The following PUM1 variants were observed in gnomAD, a reference collection of about 807,000 sequenced individuals.
The protein encoded by PUM1 is pumilio homolog 1.
In PUM1, 13 loss-of-function variants were observed where a neutral mutation model predicts 131.8. That is an observed-to-expected ratio of 0.10 (90% CI 0.06 to 0.16). The LOEUF is 0.16. PUM1 is among the 10% of genes least tolerant of loss of function. PUM1 has a pLI of 1.00. For missense variants in PUM1, 961 were observed against 1,512.4 expected (o/e 0.64, Z 6.05); for synonymous variants, 509 against 556.5 (o/e 0.91, Z 1.20).
chr1:30,935,370 GC>G (rs1288896593), intron 21 of PUM1, among the ~76,000 whole-genome samples: 4 of 152,166 alleles, frequency 2.6e-5, no homozygotes, highest in African/African-American at 9.7e-5. Context: ...AAGACACCCT[GC>G]CCATTCCTGG....
intron 2 of PUM1, among the ~76,000 whole-genome samples, chr1:31,048,816 C>A (rs956147065): frequency 5.9e-5 from 9 of 152,136 alleles, no homozygotes; most frequent in African/African-American, 1.9e-4. Flanking sequence ...GTGCATATTT[C>A]TAACTTTACT....
chr1:31,007,161 G>A, intron 3 of PUM1, 59 bp from the exon 4 acceptor site: 1 of 1,292,870 alleles, frequency 7.7e-7, no homozygotes, highest in Non-Finnish European at 1.1e-6. Context: ...AAGTACAGCA[G>A]TCAACACTTT....
chr1:30,950,280 T>A lies in PUM1; in HGVS notation c.2722-19A>T. ...TGCCAAACTAGACATAATGTGTGGG[T>A]AAACACCATTACTTAAGTAGAAGGA... On this transcript the variant is annotated intron_variant, in intron 16 of 21. Transcript: ENST00000426105. 6.2e-7 allele frequency: 1 copy of A among 1,606,380 alleles called. No homozygotes were observed. Among genetic ancestry groups the A allele is most frequent in the Middle Eastern group, 1.7e-4 (1 of 6,022 alleles).
intron 10 of PUM1, among the ~76,000 whole-genome samples, chr1:30,972,211 C>T (rs539323500): frequency 1.4e-4 from 20 of 142,182 alleles, no homozygotes; most frequent in East Asian, 4.3e-4. Flanking sequence ...GCAAACTTGG[C>T]GCCACTGCAC....
intron 3 of PUM1, among the ~76,000 whole-genome samples, chr1:31,014,600 C>T (rs972972387): frequency 6.6e-6 from 1 of 152,022 alleles, no homozygotes. Context: ...CCAGCCTGGA[C>T]AACATGGTGA....
chr1:31,027,539 C>T (rs1643272145), intron 3 of PUM1, among the ~76,000 whole-genome samples: 2 of 152,148 alleles, frequency 1.3e-5, no homozygotes, highest in African/African-American at 2.4e-5. Context: ...AAGGACATCT[C>T]CCAATCATCT....
chr1:30,977,088 C>T (rs1641164626), intron 9 of PUM1, among the ~76,000 whole-genome samples: 2 of 152,174 alleles, frequency 1.3e-5, no homozygotes, highest in Admixed American at 6.5e-5. Flanking sequence ...GGGGATGTGA[C>T]CCAAGTCTAA....
intron 3 of PUM1, among the ~76,000 whole-genome samples, chr1:31,015,364 C>T (rs1171246339): frequency 3.3e-5 from 5 of 151,092 alleles, no homozygotes; most frequent in South Asian, 2.1e-4. Flanking sequence ...TTTTTTGAGA[C>T]GGAGTCTCGC....
intron 3 of PUM1, among the ~76,000 whole-genome samples, chr1:31,025,018 G>A (rs1343843887): frequency 6.6e-6 from 1 of 152,190 alleles, no homozygotes; most frequent in Non-Finnish European, 1.5e-5. Flanking sequence ...TAAGCCAAAT[G>A]AAAGGGGCTA....
chr1:30,979,162 T>C (rs1271101628), intron 9 of PUM1, among the ~76,000 whole-genome samples: 1 of 144,942 alleles, frequency 6.9e-6, no homozygotes, highest in Non-Finnish European at 1.5e-5. Context: ...GGGAAAAAAC[T>C]CATGTATACA....
chr1:31,008,718 A>G (rs1430015488), intron 3 of PUM1, among the ~76,000 whole-genome samples: 4 of 152,188 alleles, frequency 2.6e-5, no homozygotes, highest in Non-Finnish European at 4.4e-5. Context: ...AGTGCCTAGC[A>G]CAACAGGTTC....
chr1:31,009,610 A>G (rs1401159216), intron 3 of PUM1, among the ~76,000 whole-genome samples: 2 of 151,448 alleles, frequency 1.3e-5, no homozygotes, highest in African/African-American at 4.9e-5. Context: ...CTACTAAAAA[A>G]CTCAAAAATT....
chr1:30,981,466 A>C, intron 7 of PUM1, 61 bp from the exon 8 acceptor site: 1 of 1,063,974 alleles, frequency 9.4e-7, no homozygotes, highest in South Asian at 1.6e-5. Context: ...TCATTTAAAA[A>C]CCTCTCTGAC....
chr1:31,025,766 G>A (rs552378181), intron 3 of PUM1, among the ~76,000 whole-genome samples: 5 of 151,940 alleles, frequency 3.3e-5, no homozygotes, highest in Admixed American at 3.3e-4. Context: ...ATGTTGACCA[G>A]GCTGGTCTCA....
chr1:30,977,568 C>T (rs1052318360), intron 9 of PUM1, among the ~76,000 whole-genome samples: 2 of 152,180 alleles, frequency 1.3e-5, no homozygotes, highest in South Asian at 2.1e-4. Context: ...GAGCTTGGCA[C>T]ATCAGGATGC....
At chr1:30,997,876 GA>G (rs1386461948) in intron 5 of PUM1, among the ~76,000 whole-genome samples, 1 of 151,192 alleles carries the variant, frequency 6.6e-6, no homozygotes, top group African/African-American at 2.4e-5. Context: ...GGCATGGCCT[GA>G]AATCTTGACT....
chr1:30,958,964 TGAGA>T (rs776436077), intron 14 of PUM1, among the ~76,000 whole-genome samples: 2 of 152,106 alleles, frequency 1.3e-5, no homozygotes, highest in Non-Finnish European at 1.5e-5. Context: ...AGAGGAAGAT[TGAGA>T]GAGAGATTTC....
intron 1 of PUM1, among the ~76,000 whole-genome samples, chr1:31,061,480 G>A (rs191158174): frequency 6.6e-6 from 1 of 152,148 alleles, no homozygotes; most frequent in Non-Finnish European, 1.5e-5. Context: ...GCCAGGCTTG[G>A]TGGCACGCGC....
intron 2 of PUM1, among the ~76,000 whole-genome samples, chr1:31,039,223 T>A (rs72659214): frequency 0.31 from 43,924 of 141,716 alleles, 6,920 homozygotes; most frequent in Non-Finnish European, 0.35. Context: ...AAAAAAAAAA[T>A]TTTTTTTTTT....
Sources: gnomAD v4.1 joint callset for allele counts (sites outside exome capture counted in the v4.1 genomes callset) on GRCh38, gnomAD v4.1.1 for gene constraint, MANE v1.5 for transcripts, NCBI Gene and HGNC (gene_info 2026-07-23, HGNC 2026-07-21) for gene names.